LRP1B: variants seen among roughly 807,000 people sequenced by gnomAD.
LRP1B encodes low-density lipoprotein receptor-related protein 1B.
LRP1B carries 217 observed loss-of-function variants against 556.6 expected under a neutral mutation model. That is an observed-to-expected ratio of 0.39 (90% CI 0.35 to 0.44). The LOEUF (loss-of-function observed/expected upper bound fraction) is 0.44. Ranked by LOEUF, LRP1B falls within the 20% of genes least tolerant of loss-of-function variation. LRP1B has a pLI of 1.00. For synonymous variants in LRP1B, 2,047 were observed against 1,865.8 expected (o/e 1.10, Z -2.50); for missense variants, 5,053 against 5,620.8 (o/e 0.90, Z 3.23).
intron 3 of LRP1B, among the ~76,000 whole-genome samples, chr2:141,436,683 T>C (rs1401188457): frequency 3.3e-5 from 5 of 152,192 alleles, no homozygotes; most frequent in African/African-American, 9.6e-5. Flanking sequence ...TGAACCTACC[T>C]TGAAAATTAC....
intron 5 of LRP1B, among the ~76,000 whole-genome samples, chr2:141,236,797 A>G (rs1650571979): frequency 6.6e-6 from 1 of 152,176 alleles, no homozygotes; most frequent in Non-Finnish European, 1.5e-5. Flanking sequence ...AGAAATGAAG[A>G]ATGGCCATAT....
chr2:141,648,068 T>C (rs1689645142), intron 2 of LRP1B, among the ~76,000 whole-genome samples: 1 of 152,076 alleles, frequency 6.6e-6, no homozygotes, highest in South Asian at 2.1e-4. Context: ...GAAGATGTTA[T>C]GGTGAGACGA....
At chr2:142,037,794 C>A (rs944030316) in intron 1 of LRP1B, among the ~76,000 whole-genome samples, 5 of 150,882 alleles carry the variant, frequency 3.3e-5, no homozygotes, top group African/African-American at 1.2e-4. Context: ...TACATTATTA[C>A]CCTAAACATT....
At chr2:140,737,027 G>C (rs1484919386) in intron 35 of LRP1B, among the ~76,000 whole-genome samples, 2 of 152,106 alleles carry the variant, frequency 1.3e-5, no homozygotes, top group African/African-American at 2.4e-5. Flanking sequence ...CAAGAGTGCT[G>C]TTTAACATCT....
At chr2:141,219,775 T>G (rs1682959601) in intron 6 of LRP1B, among the ~76,000 whole-genome samples, 1 of 152,084 alleles carries the variant, frequency 6.6e-6, no homozygotes, top group South Asian at 2.1e-4. Flanking sequence ...TGGTGATACC[T>G]CTAGTTGCAG....
At chr2:142,090,797 A>T (rs1287725987) in intron 1 of LRP1B, among the ~76,000 whole-genome samples, 1 of 152,116 alleles carries the variant, frequency 6.6e-6, no homozygotes, top group Non-Finnish European at 1.5e-5. Flanking sequence ...CCAGAATTTT[A>T]AGTGGATATA....
At chr2:140,254,253 T>C (rs1321943508) in intron 86 of LRP1B, among the ~76,000 whole-genome samples, 1 of 152,182 alleles carries the variant, frequency 6.6e-6, no homozygotes, top group Non-Finnish European at 1.5e-5. Context: ...ATATTTATTC[T>C]ATACAAATTT....
intron 3 of LRP1B, among the ~76,000 whole-genome samples, chr2:141,320,253 C>A (rs536172164): frequency 2.0e-5 from 3 of 151,904 alleles, no homozygotes; most frequent in South Asian, 2.1e-4. Flanking sequence ...TTATGCAAAC[C>A]TTTCTTACTT....
intron 2 of LRP1B, among the ~76,000 whole-genome samples, chr2:141,665,187 G>A (rs1477168902): frequency 6.6e-6 from 1 of 151,528 alleles, no homozygotes. Context: ...CTTTCCTACT[G>A]ACAAAGGTCT....
chr2:140,752,300 G>A (rs1688607275), intron 35 of LRP1B, among the ~76,000 whole-genome samples: 1 of 150,416 alleles, frequency 6.6e-6, no homozygotes, highest in Non-Finnish European at 1.5e-5. Flanking sequence ...CTAATTCTGG[G>A]TAATTATGAC....
At chr2:141,011,331 T>C (rs1184752342) in intron 14 of LRP1B, among the ~76,000 whole-genome samples, 2 of 151,970 alleles carry the variant, frequency 1.3e-5, no homozygotes, top group South Asian at 2.1e-4. Flanking sequence ...GAGAAAATTA[T>C]AATAATTAAG....
At position 140,358,963 on chromosome 2, in the gene LRP1B, A is replaced by T; in HGVS notation, c.11132-17T>A. Reference sequence around the variant, plus strand: ...GAAATTTGACTGAAGAAAAAGAAGAAAAAACAAAGAAGCTCCTTCGAGTAC... The same window carrying T: ...GAAATTTGACTGAAGAAAAAGAAGATAAAACAAAGAAGCTCCTTCGAGTAC... On this transcript the variant is annotated splice_polypyrimidine_tract_variant and intron_variant, in intron 72 of 90. Transcript: ENST00000389484. 4 of 1,602,742 alleles carry T rather than the reference A, an allele frequency of 2.5e-6. No individual in the cohort carries two copies. The highest frequency in any genetic ancestry group is 3.4e-6 in the Non-Finnish European group (4 of 1,172,958).
At chr2:141,805,645 G>A (rs1696145910) in intron 2 of LRP1B, 2 of 152,200 alleles carry the variant, frequency 1.3e-5, no homozygotes, top group Non-Finnish European at 2.9e-5. Flanking sequence ...ACAAAGATTT[G>A]GCAAATTATA....
intron 2 of LRP1B, among the ~76,000 whole-genome samples, chr2:141,534,532 A>G (rs1684999398): frequency 6.6e-6 from 1 of 152,132 alleles, no homozygotes; most frequent in Admixed American, 6.6e-5. Flanking sequence ...AAACTCTAAG[A>G]CAACCTACAT....
At chr2:141,782,247 C>A (rs1001744775) in intron 2 of LRP1B, among the ~76,000 whole-genome samples, 13 of 151,912 alleles carry the variant, frequency 8.6e-5, no homozygotes, top group African/African-American at 3.1e-4. Flanking sequence ...TGAAGTATAT[C>A]TCTTAAAAGT....
intron 3 of LRP1B, among the ~76,000 whole-genome samples, chr2:141,331,552 C>CTTTCTTTCTTTCTTTCT (rs1573817128): frequency 5.6e-5 from 8 of 143,166 alleles, no homozygotes; most frequent in Admixed American, 2.1e-4. Context: ...TTCTTTCTTT[C>CTTTCTTTCTTTCTTTCT]TTATTTGGGA....
intron 7 of LRP1B, among the ~76,000 whole-genome samples, chr2:141,096,433 C>T (rs1024892492): frequency 1.3e-5 from 2 of 151,956 alleles, no homozygotes; most frequent in Non-Finnish European, 2.9e-5. Context: ...ACAAAAAATA[C>T]AAAAATTATC....
intron 2 of LRP1B, among the ~76,000 whole-genome samples, chr2:141,709,012 T>C (rs1319227256): frequency 1.3e-5 from 2 of 152,122 alleles, no homozygotes; most frequent in Non-Finnish European, 2.9e-5. Context: ...AGCAAATTAA[T>C]ACATTATCCT....
intron 32 of LRP1B, among the ~76,000 whole-genome samples, chr2:140,784,357 T>C (rs1689813356): frequency 7.1e-6 from 1 of 140,844 alleles, no homozygotes; most frequent in Non-Finnish European, 1.5e-5. Flanking sequence ...AAGAAAGAGA[T>C]AATTGGAGGA....
Sources: allele counts gnomAD v4.1 joint callset (sites outside exome capture counted in the v4.1 genomes callset), GRCh38; gene constraint gnomAD v4.1.1; transcripts MANE v1.5; gene names NCBI Gene and HGNC (gene_info 2026-07-23, HGNC 2026-07-21).